The following RPSA variants were observed in gnomAD, a reference collection of about 807,000 sequenced individuals.
RPSA encodes small ribosomal subunit protein uS2.
For missense variants in RPSA, 140 were observed against 372.8 expected, an observed-to-expected ratio of 0.38 and a Z score of 5.14; for synonymous variants, 103 against 126.7, an observed-to-expected ratio of 0.81 and a Z score of 1.25.
intron 4 of RPSA, 145 bp from the exon 5 acceptor site, chr3:39,411,504 C>G: frequency 2.4e-6 from 2 of 822,380 alleles, no homozygotes; most frequent in Admixed American, 5.2e-5. Context: ...TTGAAAATCC[C>G]TATTTATAAT....
intron 2 of RPSA, chr3:39,408,050 G>T: frequency 2.2e-6 from 1 of 449,378 alleles, no homozygotes; most frequent in South Asian, 2.2e-5. Flanking sequence ...GTTTCTAATA[G>T]CTCGCATAGT....
chr3:39,408,141 A>G (rs976990824), intron 2 of RPSA: 12 of 370,496 alleles, frequency 3.2e-5, no homozygotes, highest in South Asian at 2.5e-4. Flanking sequence ...GGAATGAACA[A>G]TATGGTTTGG....
chr3:39,411,184 T>C (rs1279070777), intron 4 of RPSA, 185 bp downstream of exon 4: 3 of 773,472 alleles, frequency 3.9e-6, no homozygotes, highest in African/African-American at 1.7e-5. Context: ...GAGTGGAGTT[T>C]GATAGTAATT....
At chr3:39,408,472 G>A in intron 2 of RPSA, 134 bp from the exon 3 acceptor site, 1 of 779,940 alleles carries the variant, frequency 1.3e-6, no homozygotes, top group South Asian at 1.4e-5. Context: ...ATCAATGGCA[G>A]GATTTTCGCT....
At chr3:39,411,336 G>T in intron 4 of RPSA, 1 of 598,584 alleles carries the variant, frequency 1.7e-6, no homozygotes, top group Non-Finnish European at 3.1e-6. Flanking sequence ...CAACTTGATG[G>T]GTTCTACTAT....
rs2041992666 is a variant in RPSA at position 39,410,646 on chromosome 3, T to C, written c.253-108T>C. On this transcript the variant is annotated intron_variant, in intron 3 of 6. Transcript: ENST00000301821. Reference sequence around the variant, plus strand: ...AGGAAAGCTGGGTATGTGCCTGCTTTACATGGAGTAGTAGTGATTAAGTTG... The same window carrying C: ...AGGAAAGCTGGGTATGTGCCTGCTTCACATGGAGTAGTAGTGATTAAGTTG... The C allele has an allele frequency of 2.4e-6, 3 of 1,255,358 alleles. No homozygotes were observed. The East Asian group carries it at 7.0e-5, about 29-fold the overall frequency. 77.8% of individuals were successfully genotyped at this position (1,255,358 alleles called of 1,614,324 possible).
In RPSA at chr3:39,412,060, T is replaced by A; in HGVS notation, c.792T>A (p.Thr264=). Reference sequence around the variant, plus strand: ...CTGTGCCTATTCAGCAATTCCCTACTGGTATGTATCAGGATAGAGGTGAAT... The same window carrying A: ...CTGTGCCTATTCAGCAATTCCCTACAGGTATGTATCAGGATAGAGGTGAAT... ...VPSVPIQQFP[T]EDWSAQPATE... Residue 264 remains threonine (T), a splice_region_variant and synonymous_variant, in exon 6 of 7, where the codon ACT becomes ACA. Coordinates refer to ENST00000301821, the MANE Select transcript of RPSA (RefSeq NM_002295.6). 2 of 1,611,284 alleles carry A rather than the reference T, an allele frequency of 1.2e-6. No individual in the cohort carries two copies. The highest frequency in any genetic ancestry group is 8.5e-7 in the Non-Finnish European group (1 of 1,179,582).
At chr3:39,409,242 T>A (rs73060246) in intron 3 of RPSA, among the ~76,000 whole-genome samples, 1 of 112,242 alleles carries the variant, frequency 8.9e-6, no homozygotes, top group Non-Finnish European at 2.1e-5. Flanking sequence ...TTGCCTGTTG[T>A]CCATCCTGGA....
intron 1 of RPSA, chr3:39,407,069 AGTCCCACACGGC>A (rs1277159426): frequency 8.8e-6 from 4 of 452,842 alleles, no homozygotes. Context: ...ATCCCTTCGG[AGTCCCACACGGC>A]GGTGAGTCTA....
chr3:39,412,136 T>A, intron 6 of RPSA, 75 bp downstream of exon 6: 1 of 1,457,016 alleles, frequency 6.9e-7, no homozygotes, highest in Non-Finnish European at 9.6e-7. Flanking sequence ...TAATGATCTC[T>A]GTGACTTTTA....
intron 3 of RPSA, among the ~76,000 whole-genome samples, chr3:39,409,619 AT>A (rs1296325452): frequency 6.6e-6 from 1 of 152,168 alleles, no homozygotes; most frequent in Non-Finnish European, 1.5e-5. Context: ...GGCTTATCAC[AT>A]TTTCCCATAG....
chr3:39,408,270 A>G, intron 2 of RPSA: 1 of 472,364 alleles, frequency 2.1e-6, no homozygotes, highest in African/African-American at 2.0e-5. Flanking sequence ...ATCTTGCATC[A>G]GTGCAGATTA....
intron 4 of RPSA, chr3:39,411,405 G>T (rs1455376802): frequency 3.5e-6 from 2 of 569,206 alleles, no homozygotes; most frequent in African/African-American, 3.8e-5. Context: ...AACCCTAGTT[G>T]TGCATAAGAA....
At chr3:39,412,190 G>C in intron 6 of RPSA, 84 bp from the exon 7 acceptor site, 7 of 1,301,478 alleles carry the variant, frequency 5.4e-6, no homozygotes, top group Non-Finnish European at 7.8e-6. Context: ...TACAGCATCT[G>C]ATAGACTGCT....
chr3:39,409,387 A>C (rs935248234), intron 3 of RPSA, among the ~76,000 whole-genome samples: 2 of 151,874 alleles, frequency 1.3e-5, no homozygotes, highest in Non-Finnish European at 2.9e-5. Flanking sequence ...TTTTTAGTAG[A>C]GACATGGTTT....
At chr3:39,409,672 A>G (rs545800749) in intron 3 of RPSA, among the ~76,000 whole-genome samples, 5 of 152,258 alleles carry the variant, frequency 3.3e-5, no homozygotes, top group Admixed American at 3.3e-4. Context: ...TGGGACAGAA[A>G]TTTTTTAAGA....
In RPSA at chr3:39,412,464, A is replaced by G. The variant is rs2042018601; in HGVS notation, c.*96A>G. On this transcript the variant is annotated 3_prime_UTR_variant, in exon 7 of 7. Transcript: ENST00000301821. ...GTTGTCTTCATTTAGTTTGCTTTTT[A>G]CTCCAGATCAGAATACCTGGGATTG... 1.4e-6 allele frequency: 1 copy of G among 700,748 alleles called. No individual in the cohort carries two copies. The highest frequency in any genetic ancestry group is 1.7e-5 in the South Asian group (1 of 57,632). The allele number at this position is 700,748 out of a possible 1,614,324, so 43.4% of individuals were successfully genotyped here. A position where few individuals can be genotyped will look rare whatever the true frequency, so the allele number is the denominator to read the frequency against.
intron 3 of RPSA, among the ~76,000 whole-genome samples, chr3:39,409,207 T>C (rs1412417043): frequency 8.6e-5 from 10 of 116,296 alleles, no homozygotes; most frequent in African/African-American, 2.0e-4. Flanking sequence ...TTTTTTTTTT[T>C]CCTTCAAGAC....
chr3:39,409,123 CTGTTAAGAG>C (rs2125593252), intron 3 of RPSA: 2 of 43,488 alleles, frequency 4.6e-5, no homozygotes, highest in South Asian at 5.2e-4. Context: ...TCAAACTCCA[CTGTTAAGAG>C]ATCTTAAGTT....
Sources: allele counts gnomAD v4.1 joint callset (sites outside exome capture counted in the v4.1 genomes callset), GRCh38; gene constraint gnomAD v4.1.1; transcripts MANE v1.5; gene names NCBI Gene and HGNC (gene_info 2026-07-23, HGNC 2026-07-21).